Variants in DOCK8 observed in about 807,000 individuals in gnomAD.
DOCK8 encodes dedicator of cytokinesis protein 8.
A neutral mutation model predicts 245.6 loss-of-function variants in DOCK8; 141 were observed. The observed-to-expected ratio is 0.57, with a 90% confidence interval of 0.50 to 0.66. The LOEUF (loss-of-function observed/expected upper bound fraction) is 0.66. Among genes scored for constraint, DOCK8 ranks in the 30% least tolerant of loss-of-function variants. The pLI, the probability that DOCK8 is intolerant of heterozygous loss-of-function variation, is 0.00. For synonymous variants in DOCK8, 1,168 were observed against 970.2 expected, an observed-to-expected ratio of 1.20 and a Z score of -3.79; for missense variants, 2,965 against 2,603.4, an observed-to-expected ratio of 1.14 and a Z score of -3.02.
chr9:376,152 G>C (rs1586837314), intron 18 of DOCK8, 58 bp from the exon 19 acceptor site: 2 of 1,240,568 alleles, frequency 1.6e-6, no homozygotes, highest in East Asian at 4.6e-5. Context: ...TGCATTGCTT[G>C]TTAGTAATCA....
intron 8 of DOCK8, 128 bp from the exon 9 acceptor site, chr9:327,894 C>A: frequency 1.2e-6 from 1 of 860,542 alleles, no homozygotes; most frequent in East Asian, 2.5e-5. Flanking sequence ...TTTCCTAAAC[C>A]ACATCTGTGA....
At chr9:265,099 T>G (rs2129838119) in intron 1 of DOCK8, among the ~76,000 whole-genome samples, 1 of 152,216 alleles carries the variant, frequency 6.6e-6, no homozygotes, top group Non-Finnish European at 1.5e-5. Context: ...GCCAGGCTAA[T>G]TTTTGTATTT....
intron 1 of DOCK8, among the ~76,000 whole-genome samples, chr9:216,328 A>C (rs2046750130): frequency 6.6e-6 from 1 of 152,056 alleles, no homozygotes; most frequent in Non-Finnish European, 1.5e-5. Flanking sequence ...CCAGAGTTTG[A>C]GACCAGCCTG....
At chr9:429,307 C>T (rs1436099116) in intron 35 of DOCK8, among the ~76,000 whole-genome samples, 1 of 152,180 alleles carries the variant, frequency 6.6e-6, no homozygotes, top group African/African-American at 2.4e-5. Flanking sequence ...GTGCCTTCTA[C>T]ATGGGGTCTT....
intron 1 of DOCK8, among the ~76,000 whole-genome samples, chr9:217,122 C>T (rs934817399): frequency 2.0e-5 from 3 of 152,088 alleles, no homozygotes; most frequent in African/African-American, 7.2e-5. Flanking sequence ...AGAGACAGTA[C>T]AGAAAAAATA....
At chr9:388,690 G>T (rs2054059554) in intron 23 of DOCK8, among the ~76,000 whole-genome samples, 1 of 152,056 alleles carries the variant, frequency 6.6e-6, no homozygotes, top group Non-Finnish European at 1.5e-5. Flanking sequence ...GAGTAGCTGG[G>T]ATTACAACCG....
At chr9:259,297 G>C (rs1034674001) in intron 1 of DOCK8, among the ~76,000 whole-genome samples, 2 of 151,906 alleles carry the variant, frequency 1.3e-5, no homozygotes, top group African/African-American at 4.8e-5. Context: ...GCAAGACCCT[G>C]TCTCAAAAAA....
chr9:415,159 G>T (rs1390662220), intron 29 of DOCK8, among the ~76,000 whole-genome samples: 1 of 152,076 alleles, frequency 6.6e-6, no homozygotes, highest in African/African-American at 2.4e-5. Context: ...TTTTTGTTTA[G>T]AAATTATTTA....
intron 28 of DOCK8, among the ~76,000 whole-genome samples, chr9:412,483 A>G (rs183214358): frequency 6.6e-6 from 1 of 152,208 alleles, no homozygotes; most frequent in Non-Finnish European, 1.5e-5. Flanking sequence ...ATCTCTATTC[A>G]TAGGTGGCAT....
chr9:456,764 T>G (rs1587122043), intron 46 of DOCK8: 1 of 152,012 alleles, frequency 6.6e-6, no homozygotes, highest in African/African-American at 2.4e-5. Flanking sequence ...AGAGATACAA[T>G]CTTCTATCTT....
rs2057156550 is a variant in DOCK8, at chr9:443,523, A to G, written c.5580+7A>G. The G allele has an allele frequency of 1.3e-5, 21 of 1,609,830 alleles. No homozygotes were observed. The highest frequency in any genetic ancestry group is 1.8e-5 in the Non-Finnish European group (21 of 1,176,332). Reference sequence around the variant, plus strand: ...CAAGTTGGATCCTAACAAGGTATACAAAAATTTACAAAAACTAACCATCAA... The same window carrying G: ...CAAGTTGGATCCTAACAAGGTATACGAAAATTTACAAAAACTAACCATCAA... On this transcript the variant is annotated splice_region_variant and intron_variant, in intron 43 of 47. Coordinates refer to ENST00000432829, the MANE Select transcript of DOCK8 (RefSeq NM_203447.4).
intron 14 of DOCK8, among the ~76,000 whole-genome samples, chr9:362,128 T>C (rs1221873342): frequency 6.6e-6 from 1 of 152,230 alleles, no homozygotes; most frequent in Admixed American, 6.5e-5. Context: ...CTTTATCACA[T>C]GACTGATTGG....
At chr9:213,250 T>C (rs2046650176), upstream of DOCK8, 1 of 152,124 alleles carries the variant, frequency 6.6e-6, no homozygotes. Flanking sequence ...ACCTAACCAG[T>C]ACTGAAAAGT....
At chr9:251,253 A>C (rs922860138) in intron 1 of DOCK8, among the ~76,000 whole-genome samples, 3 of 152,228 alleles carry the variant, frequency 2.0e-5, no homozygotes, top group Non-Finnish European at 4.4e-5. Flanking sequence ...GGTGAAACAC[A>C]AAGAGACAAA....
At position 384,733 on chromosome 9, in the gene DOCK8, G is replaced by A. The variant is rs562226226; in HGVS notation, c.2779-1598G>A. Reference sequence around the variant, plus strand: ...AGATCGAGACCATCCTGGCTAACACGGTGAAACCCCGTCTCTACTAAAAAT... The same window carrying A: ...AGATCGAGACCATCCTGGCTAACACAGTGAAACCCCGTCTCTACTAAAAAT... On this transcript the variant is annotated intron_variant, in intron 22 of 47. Transcript: ENST00000432829. Among the ~76,000 whole-genome samples the A allele has an allele frequency of 1.1e-4, 16 of 152,220 alleles. No homozygotes were observed. In the East Asian group the frequency reaches 1.5e-3, roughly 15 times the overall value.
intron 24 of DOCK8, among the ~76,000 whole-genome samples, chr9:392,671 A>G (rs2054251918): frequency 6.6e-6 from 1 of 151,848 alleles, no homozygotes; most frequent in African/African-American, 2.4e-5. Context: ...TTTTTTTTTC[A>G]TTCCAAAAGC....
At chr9:436,657 C>G (rs1305948076) in intron 39 of DOCK8, among the ~76,000 whole-genome samples, 2 of 152,120 alleles carry the variant, frequency 1.3e-5, no homozygotes, top group Non-Finnish European at 1.5e-5. Context: ...TAATGACATG[C>G]CAAAGTGAAT....
chr9:318,363 A>T (rs1332217611), intron 7 of DOCK8, among the ~76,000 whole-genome samples: 1 of 152,192 alleles, frequency 6.6e-6, no homozygotes, highest in African/African-American at 2.4e-5. Flanking sequence ...AGGCATCTGG[A>T]TTCTGGATGT....
intron 2 of DOCK8, among the ~76,000 whole-genome samples, chr9:283,250 G>A (rs190177069): frequency 2.0e-5 from 3 of 152,248 alleles, no homozygotes; most frequent in South Asian, 2.1e-4. Flanking sequence ...GAGCATACAG[G>A]CTGAGCATCC....
Sources: gnomAD v4.1 joint callset for allele counts (sites outside exome capture counted in the v4.1 genomes callset) on GRCh38, gnomAD v4.1.1 for gene constraint, MANE v1.5 for transcripts, NCBI Gene and HGNC (gene_info 2026-07-23, HGNC 2026-07-21) for gene names.